The following TBXAS1 variants were observed in gnomAD, a reference collection of about 807,000 sequenced individuals.
TBXAS1 encodes the protein thromboxane A synthase 1.
TBXAS1 carries 48 observed loss-of-function variants against 60.7 expected under a neutral mutation model. The ratio of observed to expected loss-of-function variants is 0.79; its 90% CI spans 0.63 to 1.01. The LOEUF (loss-of-function observed/expected upper bound fraction) is 1.01. TBXAS1 is among the 50% of genes least tolerant of loss of function. TBXAS1 has a pLI of 0.00. For missense variants in TBXAS1, 685 were observed against 686.3 expected, an observed-to-expected ratio of 1.00 and a Z score of 0.02; for synonymous variants, 287 against 269.7, an observed-to-expected ratio of 1.06 and a Z score of -0.63.
intron 12 of TBXAS1, among the ~76,000 whole-genome samples, chr7:140,019,650 G>A (rs1286523713): frequency 2.0e-5 from 3 of 152,212 alleles, no homozygotes; most frequent in Non-Finnish European, 4.4e-5. Context: ...AACTCCTCGA[G>A]TAATTCTTTG....
intron 3 of TBXAS1, among the ~76,000 whole-genome samples, chr7:139,885,672 A>G (rs1317515705): frequency 6.6e-6 from 1 of 152,218 alleles, no homozygotes. Flanking sequence ...AATTATTACT[A>G]AATTTGAAGA....
intron 9 of TBXAS1, among the ~76,000 whole-genome samples, chr7:139,998,724 A>T (rs1158951664): frequency 6.6e-6 from 1 of 152,256 alleles, no homozygotes; most frequent in African/African-American, 2.4e-5. Flanking sequence ...GCAGCAGGTC[A>T]GCACTGTCAG....
chr7:140,000,715 T>G (rs1451846519), intron 9 of TBXAS1, among the ~76,000 whole-genome samples: 1 of 152,224 alleles, frequency 6.6e-6, no homozygotes. Context: ...AATATTTAAT[T>G]TTCAACCCTC....
chr7:140,002,256 G>A (rs1813725983), intron 9 of TBXAS1, among the ~76,000 whole-genome samples: 1 of 152,234 alleles, frequency 6.6e-6, no homozygotes, highest in Non-Finnish European at 1.5e-5. Flanking sequence ...TGGACCCCCA[G>A]CACCTGGTCC....
At chr7:139,790,116 A>G (rs1463488735) in intron 4 of TBXAS1, among the ~76,000 whole-genome samples, 1 of 152,222 alleles carries the variant, frequency 6.6e-6, no homozygotes, top group South Asian at 2.1e-4. Context: ...CATTATACAT[A>G]CAACAATTTC....
At chr7:139,985,717 C>G (rs1191364454) in intron 9 of TBXAS1, among the ~76,000 whole-genome samples, 1 of 152,218 alleles carries the variant, frequency 6.6e-6, no homozygotes, top group Non-Finnish European at 1.5e-5. Flanking sequence ...CATCTGTCCC[C>G]CTCCACTAGA....
At chr7:139,970,342 G>A (rs1414351107) in intron 9 of TBXAS1, among the ~76,000 whole-genome samples, 2 of 152,132 alleles carry the variant, frequency 1.3e-5, no homozygotes, top group Admixed American at 1.3e-4. Context: ...CCTGACCTCA[G>A]GTGATCTGCC....
chr7:139,985,881 T>A (rs968591197), intron 9 of TBXAS1, among the ~76,000 whole-genome samples: 1 of 152,066 alleles, frequency 6.6e-6, no homozygotes, highest in Non-Finnish European at 1.5e-5. Flanking sequence ...CCCTCCCCCA[T>A]AGTGTGTGGA....
At chr7:139,893,325 GACACACACACAC>G (rs71170920) in intron 3 of TBXAS1, among the ~76,000 whole-genome samples, 31 of 139,972 alleles carry the variant, frequency 2.2e-4, no homozygotes, top group East Asian at 4.3e-4. Context: ...CTATGGAATA[GACACACACACAC>G]ACACACACAC....
At chr7:139,936,531 C>CTG (rs1807807769) in intron 5 of TBXAS1, among the ~76,000 whole-genome samples, 1 of 152,304 alleles carries the variant, frequency 6.6e-6, no homozygotes, top group African/African-American at 2.4e-5. Context: ...CATAAATGAA[C>CTG]TGTGAGTCAA....
intron 9 of TBXAS1, chr7:139,962,880 AGTT>A (rs1352395704): frequency 6.5e-6 from 1 of 153,224 alleles, no homozygotes; most frequent in Non-Finnish European, 1.5e-5. Context: ...TTGACTCATG[AGTT>A]GTCAAAGAGA....
At chr7:139,978,299 C>G (rs912065512) in intron 9 of TBXAS1, among the ~76,000 whole-genome samples, 1 of 151,538 alleles carries the variant, frequency 6.6e-6, no homozygotes, top group African/African-American at 2.4e-5. Flanking sequence ...CATTTGGGCC[C>G]AGGAGTTCGA....
chr7:139,868,304 A>AT (rs1012327648), intron 1 of TBXAS1, among the ~76,000 whole-genome samples: 1 of 151,938 alleles, frequency 6.6e-6, no homozygotes, highest in African/African-American at 2.4e-5. Context: ...ACATAAAAGG[A>AT]TTTTTTTTAC....
intron 3 of TBXAS1, among the ~76,000 whole-genome samples, chr7:139,903,793 G>A (rs1025748900): frequency 2.6e-5 from 4 of 151,758 alleles, no homozygotes; most frequent in African/African-American, 9.7e-5. Flanking sequence ...ACTTTTTGAT[G>A]GGATTGTTTG....
upstream of TBXAS1, among the ~76,000 whole-genome samples, chr7:139,825,014 G>C (rs1182649519): frequency 6.6e-6 from 1 of 151,718 alleles, no homozygotes; most frequent in East Asian, 1.9e-4. Flanking sequence ...ATTTTTAGTA[G>C]AGACAGGGTT....
At chr7:139,913,185 T>C (rs1263508065) in intron 4 of TBXAS1, 1 of 701,584 alleles carries the variant, frequency 1.4e-6, no homozygotes, top group Non-Finnish European at 2.6e-6. Context: ...TGCAGAAGTT[T>C]AACTGCTTCT....
At chr7:139,918,948 C>T (rs560786182) in intron 4 of TBXAS1, among the ~76,000 whole-genome samples, 1 of 152,186 alleles carries the variant, frequency 6.6e-6, no homozygotes, top group Admixed American at 6.5e-5. Flanking sequence ...AAGACCACTA[C>T]TGTTTTCATT....
At chr7:139,800,254 C>A (rs748441078) in intron 4 of TBXAS1, among the ~76,000 whole-genome samples, 10 of 152,136 alleles carry the variant, frequency 6.6e-5, no homozygotes, top group Non-Finnish European at 1.3e-4. Flanking sequence ...TCTCATTGCA[C>A]CTAGGGTAAA....
chr7:139,828,270 A>G (rs1324399074), upstream of TBXAS1, among the ~76,000 whole-genome samples: 6 of 152,124 alleles, frequency 3.9e-5, no homozygotes, highest in Non-Finnish European at 7.4e-5. Flanking sequence ...GTTCAATTCT[A>G]TTGCTGAGAC....
Sources: allele counts gnomAD v4.1 joint callset (sites outside exome capture counted in the v4.1 genomes callset), GRCh38; gene constraint gnomAD v4.1.1; transcripts MANE v1.5; gene names NCBI Gene and HGNC (gene_info 2026-07-23, HGNC 2026-07-21).